Variants in ORAI3 observed in about 807,000 individuals in gnomAD.
ORAI3 encodes protein orai-3.
ORAI3 carries 15 observed loss-of-function variants against 17.2 expected under a neutral mutation model. The ratio of observed to expected loss-of-function variants is 0.87; its 90% CI spans 0.58 to 1.34. ORAI3 has a LOEUF of 1.34. Among genes scored for constraint, ORAI3 ranks in the 40% most tolerant of loss-of-function variants. The pLI, the probability that ORAI3 is intolerant of heterozygous loss-of-function variation, is 0.00. For missense variants in ORAI3, 405 were observed against 396.7 expected (o/e 1.02, Z -0.18); for synonymous variants, 178 against 172.4 (o/e 1.03, Z -0.25).
At chr16:30,952,637 G>T (rs2055929497) in intron 1 of ORAI3, among the ~76,000 whole-genome samples, 1 of 152,034 alleles carries the variant, frequency 6.6e-6, no homozygotes, top group Admixed American at 6.6e-5. Flanking sequence ...CCTGTTAGAA[G>T]CATGTCATCC....
intron 1 of ORAI3, among the ~76,000 whole-genome samples, chr16:30,951,618 T>C (rs1258272546): frequency 1.3e-5 from 2 of 151,618 alleles, no homozygotes; most frequent in African/African-American, 4.9e-5. Context: ...CCCAGCACTT[T>C]GGGAGGCCAA....
chr16:30,950,589 G>A (rs988424312), intron 1 of ORAI3, among the ~76,000 whole-genome samples: 2 of 152,166 alleles, frequency 1.3e-5, no homozygotes, highest in African/African-American at 4.8e-5. Context: ...GGACCATGGC[G>A]CTAGGGGATC....
At position 30,953,461 on chromosome 16, in the gene ORAI3, G is replaced by T; in HGVS notation, c.505G>T (p.Val169Phe). The change falls in exon 2 of 2, where the codon GTT (valine) becomes TTT (phenylalanine). Residue 169 changes from valine to phenylalanine, a missense_variant. Val to Phe is a conservative substitution (Grantham distance 50). Transcript: ENST00000318663. ...TCTCTTCCTTGCTGAAGTTGTCCTG[G>T]TTGGTTGGGTCAAGTTTGTGCCCAT... Reference protein sequence around the residue: ...TFLFLAEVVLVGWVKFVPIGA... With the variant: ...TFLFLAEVVLFGWVKFVPIGA... 1 of 1,614,268 alleles carries T rather than the reference G, an allele frequency of 6.2e-7. No individual in the cohort carries two copies. The highest frequency in any genetic ancestry group is 8.5e-7 in the Non-Finnish European group (1 of 1,180,044).
At position 30,954,927 on chromosome 16, in the gene ORAI3, G is replaced by A. The variant is rs1596663695; in HGVS notation, c.*1083G>A. 1 of 152,202 alleles carries A rather than the reference G, an allele frequency of 6.6e-6. No individual in the cohort carries two copies. The highest frequency in any genetic ancestry group is 1.5e-5 in the Non-Finnish European group (1 of 68,034). 9.4% of individuals were successfully genotyped at this position (152,202 alleles called of 1,614,324 possible). ...TGCACCTTGTTTTATATAATAAATC[G>A]TGTTTCACAGATGTCCCTGTTGCTG... On this transcript the variant is annotated 3_prime_UTR_variant, in exon 2 of 2. Transcript: ENST00000318663.
rs2055938782 is a variant in ORAI3 at position 30,953,948 on chromosome 16, C to T, written c.*104C>T. The T allele has an allele frequency of 2.3e-6, 3 of 1,290,554 alleles. No homozygotes were observed. In the Admixed American group the frequency reaches 5.9e-5, roughly 25 times the overall value. 79.9% of individuals were successfully genotyped at this position (1,290,554 alleles called of 1,614,324 possible). On this transcript the variant is annotated 3_prime_UTR_variant, in exon 2 of 2. Coordinates refer to ENST00000318663, the MANE Select transcript of ORAI3 (RefSeq NM_152288.3). ...CATCCCCCCATCCCCTGGCTGGAGCCACTTCCAGTGGCCACTCTCAGGCAG... is the reference window on the plus strand; with the variant it reads ...CATCCCCCCATCCCCTGGCTGGAGCTACTTCCAGTGGCCACTCTCAGGCAG...
At chr16:30,951,163 C>G (rs1359616261) in intron 1 of ORAI3, among the ~76,000 whole-genome samples, 1 of 152,200 alleles carries the variant, frequency 6.6e-6, no homozygotes, top group Non-Finnish European at 1.5e-5. Flanking sequence ...CTTCTTTCCC[C>G]AGGCCCAGAG....
intron 1 of ORAI3, among the ~76,000 whole-genome samples, chr16:30,950,366 A>G (rs2055918869): frequency 6.6e-6 from 1 of 152,200 alleles, no homozygotes; most frequent in Admixed American, 6.5e-5. Context: ...GTCACGTACC[A>G]AGGATGGCTC....
intron 1 of ORAI3, 27 bp from the exon 2 acceptor site, chr16:30,953,158 T>G: frequency 6.5e-7 from 1 of 1,546,496 alleles, no homozygotes; most frequent in African/African-American, 1.4e-5. Context: ...TATGGGGAGA[T>G]CAGTACATCC....
chr16:30,951,296 C>T (rs2055923885), intron 1 of ORAI3, among the ~76,000 whole-genome samples: 1 of 152,142 alleles, frequency 6.6e-6, no homozygotes, highest in Non-Finnish European at 1.5e-5. Flanking sequence ...CCAGGCACTG[C>T]CCTCAGTGCC....
Position 30,949,072 on chromosome 16 carries a change from C to G in ORAI3, c.-218C>G. 2.3e-6 allele frequency: 1 copy of G among 436,022 alleles called. No individual in the cohort carries two copies. Among genetic ancestry groups the G allele is most frequent in the Non-Finnish European group, 4.0e-6 (1 of 249,436 alleles). 27.0% of individuals were successfully genotyped at this position (436,022 alleles called of 1,614,324 possible). ...CCCCGGCTCCGCCTCTGTCCCAGTT[C>G]CTGTTTTGGCCTCCGCTGTCCCGCT... On this transcript the variant is annotated 5_prime_UTR_variant, in exon 1 of 2. Coordinates refer to ENST00000318663, the MANE Select transcript of ORAI3 (RefSeq NM_152288.3).
At position 30,949,230 on chromosome 16, in the gene ORAI3, C is replaced by T; in HGVS notation, c.-60C>T. ...CGCCCCCGGGCTTGGGCCGGCCCGG[C>T]TGGGGCCCCCGAGGCGCTTCCGCCC... is the stretch of plus-strand genomic sequence containing the variant. On this transcript the variant is annotated 5_prime_UTR_variant, in exon 1 of 2. Transcript: ENST00000318663. 1.6e-6 allele frequency: 2 copies of T among 1,248,056 alleles called. No homozygotes were observed. The highest frequency in any genetic ancestry group is 2.1e-6 in the Non-Finnish European group (2 of 961,704). The allele number at this position is 1,248,056 out of a possible 1,614,324, so 77.3% of individuals were successfully genotyped here. A position where few individuals can be genotyped will look rare whatever the true frequency, so the allele number is the denominator to read the frequency against.
At position 30,954,167 on chromosome 16, in the gene ORAI3, A is replaced by G; in HGVS notation, c.*323A>G. The G allele has an allele frequency of 1.4e-6, 1 of 702,174 alleles. No individual in the cohort carries two copies. Among genetic ancestry groups the G allele is most frequent in the Non-Finnish European group, 2.6e-6 (1 of 384,908 alleles). The allele number at this position is 702,174 out of a possible 1,614,324, so 43.5% of individuals were successfully genotyped here. On this transcript the variant is annotated 3_prime_UTR_variant, in exon 2 of 2. Coordinates refer to ENST00000318663, the MANE Select transcript of ORAI3 (RefSeq NM_152288.3). Reference sequence around the variant, plus strand: ...TTGTGGGACCTTCAGTGCTGACTTTAGCCACCATTTCCATTCCTATACAGG... The same window carrying G: ...TTGTGGGACCTTCAGTGCTGACTTTGGCCACCATTTCCATTCCTATACAGG...
rs2055906165 is a variant in ORAI3 at position 30,949,090 on chromosome 16, G to A, written c.-200G>A. 8 of 473,370 alleles carry A rather than the reference G, an allele frequency of 1.7e-5. No homozygotes were observed. The highest frequency in any genetic ancestry group is 2.2e-5 in the Non-Finnish European group (6 of 272,858). The allele number at this position is 473,370 out of a possible 1,614,324, so 29.3% of individuals were successfully genotyped here. Reference sequence around the variant, plus strand: ...CCCAGTTCCTGTTTTGGCCTCCGCTGTCCCGCTCCGGCTCCTGGGGCTCCC... The same window carrying A: ...CCCAGTTCCTGTTTTGGCCTCCGCTATCCCGCTCCGGCTCCTGGGGCTCCC... On this transcript the variant is annotated 5_prime_UTR_variant, in exon 1 of 2. Coordinates refer to ENST00000318663, the MANE Select transcript of ORAI3 (RefSeq NM_152288.3).
At chr16:30,952,793 G>A (rs2055930318) in intron 1 of ORAI3, among the ~76,000 whole-genome samples, 1 of 152,066 alleles carries the variant, frequency 6.6e-6, no homozygotes, top group East Asian at 1.9e-4. Flanking sequence ...AGCCTCTCAA[G>A]TAGCAGGGAT....
chr16:30,953,578 T>C lies in ORAI3; in HGVS notation c.622T>C (p.Ser208Pro). 1 of 1,614,190 alleles carries C rather than the reference T, an allele frequency of 6.2e-7. No individual in the cohort carries two copies. Residue 208 changes from serine (S) to proline (P), a missense_variant, in exon 2 of 2, where the codon TCC (serine) becomes CCC (proline). Coordinates refer to ENST00000318663, the MANE Select transcript of ORAI3 (RefSeq NM_152288.3). Reference protein sequence around the residue: ...APVATSLSPASNLPRSSASAA... With the variant: ...APVATSLSPAPNLPRSSASAA... ...AGTGGCTACCTCCCTTAGTCCAGCT[T>C]CCAATCTCCCACGGTCCTCTGCGTC...
rs953900375 is a variant in ORAI3 at position 30,953,206 on chromosome 16, C to T, written c.250C>T (p.Leu84=). ...FAMVAMVEVQ[L]ESDHEYPPGL... ...GCAGGTGGCCATGGTGGAGGTGCAG[C>T]TGGAGAGTGACCACGAGTACCCACC... Residue 84 remains leucine, a synonymous_variant, in exon 2 of 2, where the codon CTG becomes TTG. Coordinates refer to ENST00000318663, the MANE Select transcript of ORAI3 (RefSeq NM_152288.3). 1.2e-5 allele frequency: 19 copies of T among 1,584,628 alleles called. No homozygotes were observed. The highest frequency in any genetic ancestry group is 1.6e-5 in the Non-Finnish European group (19 of 1,165,082).
Position 30,949,508 on chromosome 16 carries a change from C to T in ORAI3, c.219C>T (p.Gly73=). 1.9e-6 allele frequency: 3 copies of T among 1,588,304 alleles called. No homozygotes were observed. The highest frequency in any genetic ancestry group is 1.1e-5 in the South Asian group (1 of 88,850). ...GCCGCACGTCTGCCTTGCTCTCGGG[C>T]TTCGCCATGGTGAGGGGCCGGGAGG... ...ASSRTSALLS[G]FAMVAMVEVQ... is the part of the protein sequence containing the mutation. The change falls in exon 1 of 2, where the codon GGC becomes GGT. Residue 73 remains glycine (G), a synonymous_variant. Coordinates refer to ENST00000318663, the MANE Select transcript of ORAI3 (RefSeq NM_152288.3).
intron 1 of ORAI3, 31 bp downstream of exon 1, chr16:30,949,548 G>A (rs1427227814): frequency 4.0e-6 from 5 of 1,237,842 alleles, no homozygotes; most frequent in Non-Finnish European, 3.3e-6. Context: ...ACACCCGGTG[G>A]GGCAGAGCAA....
chr16:30,952,857 G>A (rs377499848), intron 1 of ORAI3, among the ~76,000 whole-genome samples: 214 of 152,038 alleles, frequency 1.4e-3, no homozygotes, highest in African/African-American at 4.8e-3. Flanking sequence ...GTAGAGACGG[G>A]GTTTCGCCAT....
Sources: gnomAD v4.1 joint callset for allele counts (sites outside exome capture counted in the v4.1 genomes callset) on GRCh38, gnomAD v4.1.1 for gene constraint, MANE v1.5 for transcripts, NCBI Gene and HGNC (gene_info 2026-07-23, HGNC 2026-07-21) for gene names.